The following VAC14 variants were observed in gnomAD, a reference collection of about 807,000 sequenced individuals.
VAC14 encodes the protein protein VAC14 homolog.
In VAC14, 47 loss-of-function variants were observed where a neutral mutation model predicts 85.3. The observed-to-expected ratio is 0.55, with a 90% CI of 0.44 to 0.70. The LOEUF is 0.70. Ranked by LOEUF, VAC14 falls within the 30% of genes least tolerant of loss-of-function variation. The probability of loss-of-function intolerance (pLI) is 0.00; values close to 1 mark genes in which losing one functional copy is unlikely to be tolerated. For synonymous variants in VAC14, 447 were observed against 430.5 expected (o/e 1.04, Z -0.47); for missense variants, 861 against 1,004.3 (o/e 0.86, Z 1.93).
chr16:70,694,211 G>C (rs1272167024), intron 17 of VAC14, among the ~76,000 whole-genome samples: 1 of 152,210 alleles, frequency 6.6e-6, no homozygotes, highest in East Asian at 1.9e-4. Flanking sequence ...CCAGGGTCAG[G>C]GAGGGAGGGC....
At chr16:70,690,846 TC>T in intron 18 of VAC14, 1 of 985,518 alleles carries the variant, frequency 1.0e-6, no homozygotes, top group Non-Finnish European at 1.2e-6. Flanking sequence ...TGGTATCTCT[TC>T]CTAGGTCGTT....
At chr16:70,785,959 T>C (rs1869973706) in intron 2 of VAC14, 90 bp from the exon 3 acceptor site, 2 of 1,449,910 alleles carry the variant, frequency 1.4e-6, no homozygotes, top group Non-Finnish European at 1.9e-6. Context: ...CCAGCTCCCT[T>C]GAAGGTGCTC....
chr16:70,762,955 T>C lies in VAC14; in HGVS notation c.1231A>G (p.Thr411Ala), dbSNP rs201143141. ...ATCCTGGTCATCATCCCAATGGCCG[T>C]GTCACTGAGGTGGCAGTTTAGGACC... ...VQVLNCHLSDTAIGMMTRIAV... is the reference protein window; with the variant it reads ...VQVLNCHLSDAAIGMMTRIAV... The change falls in exon 11 of 19, where the codon ACG (threonine) becomes GCG (alanine). Residue 411 changes from threonine to alanine, a missense_variant. Coordinates refer to ENST00000261776, the MANE Select transcript of VAC14 (RefSeq NM_018052.5). This position sits in a 1 kb window ranked among gnomAD's most constrained non-coding sequence, Gnocchi z 4.1. The C allele has an allele frequency of 1.1e-5, 17 of 1,614,208 alleles. No individual in the cohort carries two copies. In the East Asian group the frequency reaches 3.1e-4, roughly 30 times the overall value.
intron 9 of VAC14, among the ~76,000 whole-genome samples, chr16:70,776,975 T>C (rs959225954): frequency 6.6e-6 from 1 of 152,022 alleles, no homozygotes; most frequent in Admixed American, 6.6e-5. Flanking sequence ...GACTGGCTAA[T>C]TTTTTGTATT....
At chr16:70,780,624 G>T (rs1598001470) in intron 9 of VAC14, among the ~76,000 whole-genome samples, 166 bp downstream of exon 9, 1 of 152,192 alleles carries the variant, frequency 6.6e-6, no homozygotes, top group Admixed American at 6.5e-5. Flanking sequence ...TCTGCAGAAT[G>T]GGGGAGAACC....
Position 70,777,394 on chromosome 16 carries a change from G to C in VAC14, c.1096+3396C>G, listed in dbSNP as rs142812946. On this transcript the variant is annotated intron_variant, in intron 9 of 18. Coordinates refer to ENST00000261776, the MANE Select transcript of VAC14 (RefSeq NM_018052.5). The stretch of plus-strand genomic sequence containing the variant: ...CCTACTTAACAAATAAGAAATCTGA[G>C]GCTCAGAAAGGGTAGGCAGCTGTCT... 4.6e-3 allele frequency among the ~76,000 whole-genome samples: 697 copies of C among 152,338 alleles called. 6 individuals carry two copies. The highest frequency in any genetic ancestry group is 0.016 in the African/African-American group (667 of 41,572).
intron 14 of VAC14, among the ~76,000 whole-genome samples, chr16:70,725,731 C>A (rs554788395): frequency 6.6e-6 from 1 of 152,302 alleles, no homozygotes; most frequent in Non-Finnish European, 1.5e-5. Context: ...GTCAGGATCT[C>A]GTGAAAGAAG....
At chr16:70,691,483 G>T in intron 18 of VAC14, 7 of 985,450 alleles carry the variant, frequency 7.1e-6, no homozygotes, top group Non-Finnish European at 8.4e-6. Context: ...AGTCTCTCGG[G>T]AGCTGACAGC....
chr16:70,744,379 G>C (rs988435319), intron 13 of VAC14, 44 bp downstream of exon 13: 8 of 1,612,406 alleles, frequency 5.0e-6, no homozygotes, highest in Non-Finnish European at 6.8e-6. Flanking sequence ...ACCCGGCACT[G>C]GCACTAAGGC....
chr16:70,695,673 G>C, intron 16 of VAC14, 50 bp from the exon 17 acceptor site: 1 of 1,572,836 alleles, frequency 6.4e-7, no homozygotes. Context: ...CACAGCCGCA[G>C]CTCACAGCAC....
chr16:70,693,149 G>A (rs1406846725), intron 17 of VAC14, among the ~76,000 whole-genome samples, 178 bp from the exon 18 acceptor site: 1 of 152,170 alleles, frequency 6.6e-6, no homozygotes, highest in African/African-American at 2.4e-5. Context: ...CGAGTCAGGG[G>A]CTCCTTCACA....
intron 1 of VAC14, among the ~76,000 whole-genome samples, chr16:70,795,195 A>G (rs1053335655): frequency 2.6e-5 from 4 of 152,132 alleles, no homozygotes; most frequent in African/African-American, 9.7e-5. Context: ...AGCCGGGCGC[A>G]GTGGCTCATG....
intron 13 of VAC14, among the ~76,000 whole-genome samples, chr16:70,743,083 A>G (rs1396283144): frequency 6.6e-6 from 1 of 152,126 alleles, no homozygotes; most frequent in East Asian, 1.9e-4. Flanking sequence ...ACCAATCAGC[A>G]CTCTGTAAAA....
rs1163583838 is a variant in VAC14 at position 70,771,997 on chromosome 16, G to A, written c.1160+112C>T. The A allele has an allele frequency of 4.2e-6, 4 of 961,968 alleles. No homozygotes were observed. In the East Asian group the frequency reaches 1.0e-4, roughly 24 times the overall value. The allele number at this position is 961,968 out of a possible 1,614,324, so 59.6% of individuals were successfully genotyped here. A position where few individuals can be genotyped will look rare whatever the true frequency, so the allele number is the denominator to read the frequency against. ...TTTTGTGTACGAGGGTGTCCCAAAA[G>A]CAGCAGCCGCGAGTAGAATTTGCCT... On this transcript the variant is annotated intron_variant, in intron 10 of 18. Coordinates refer to ENST00000261776, the MANE Select transcript of VAC14 (RefSeq NM_018052.5).
chr16:70,783,203 C>A, intron 6 of VAC14, 64 bp from the exon 7 acceptor site: 1 of 1,542,616 alleles, frequency 6.5e-7, no homozygotes, highest in Non-Finnish European at 8.9e-7. Context: ...AGCCTCAAAC[C>A]AGCCCCATTT....
At position 70,780,785 on chromosome 16, in the gene VAC14, C is replaced by A. The variant is rs762441169; in HGVS notation, c.1096+5G>T. The stretch of plus-strand genomic sequence containing the variant: ...AGGTGAGGTGTAGGGACGGAGTCCA[C>A]TCACCACTGGCTGTGCCCTCCTGCT... On this transcript the variant is annotated splice_donor_5th_base_variant and intron_variant, in intron 9 of 18. Transcript: ENST00000261776. 6.3e-7 allele frequency: 1 copy of A among 1,588,684 alleles called. No homozygotes were observed. Among genetic ancestry groups the A allele is most frequent in the Non-Finnish European group, 8.6e-7 (1 of 1,165,190 alleles).
chr16:70,785,484 T>C lies in VAC14; in HGVS notation c.423+218A>G, dbSNP rs142408871. Among the ~76,000 whole-genome samples the C allele has an allele frequency of 3.5e-3, 526 of 152,366 alleles. 3 individuals carry two copies. Among genetic ancestry groups the C allele is most frequent in the African/African-American group, 7.5e-3 (310 of 41,586 alleles). ...CTACTGTATGGCAGACTGATACTTA[T>C]ATCAAATGCAATCAAAATGAATTAA... On this transcript the variant is annotated intron_variant, in intron 3 of 18. Transcript: ENST00000261776.
chr16:70,749,583 G>A (rs1167253138), intron 12 of VAC14, among the ~76,000 whole-genome samples: 1 of 152,196 alleles, frequency 6.6e-6, no homozygotes, highest in Non-Finnish European at 1.5e-5. Context: ...CACACACACA[G>A]CACCCCTCCA....
At chr16:70,706,210 G>C (rs144530321) in intron 14 of VAC14, among the ~76,000 whole-genome samples, 1,852 of 152,358 alleles carry the variant, frequency 0.012, 17 homozygotes, top group African/African-American at 0.023. Flanking sequence ...GTTGGCAGCT[G>C]TGGATGGGGA....
Sources: allele counts gnomAD v4.1 joint callset (sites outside exome capture counted in the v4.1 genomes callset), GRCh38; gene constraint gnomAD v4.1.1; non-coding constraint Gnocchi (gnomAD v3.1); transcripts MANE v1.5; gene names NCBI Gene and HGNC (gene_info 2026-07-23, HGNC 2026-07-21).